SH2D1A: variants seen among roughly 807,000 people sequenced by gnomAD.
The protein encoded by SH2D1A is SH2 domain containing 1A.
In SH2D1A, 6 loss-of-function variants were observed where a neutral mutation model predicts 10.1. That is an observed-to-expected ratio of 0.60 (90% CI 0.33 to 1.18). The LOEUF (loss-of-function observed/expected upper bound fraction) is 1.18. Ranked by LOEUF, SH2D1A falls within the 50% of genes most tolerant of loss-of-function variation. The pLI, the probability that SH2D1A is intolerant of heterozygous loss-of-function variation, is 0.04. For missense variants in SH2D1A, 51 were observed against 97.6 expected (o/e 0.52, Z 2.01); for synonymous variants, 42 against 36.9 (o/e 1.14, Z -0.51).
chrX:124,371,404 CA>C lies in SH2D1A; in HGVS notation c.*14del, dbSNP rs745892271. 1.5e-5 allele frequency: 16 copies of C among 1,075,601 alleles called. No individual in the cohort carries two copies. Among genetic ancestry groups the C allele is most frequent in the Admixed American group, 6.8e-5 (3 of 44,438 alleles). The allele number at this position is 1,075,601 out of a possible 1,213,427, so 88.6% of individuals were successfully genotyped here. A position where few individuals can be genotyped will look rare whatever the true frequency, so the allele number is the denominator to read the frequency against. On this transcript the variant is annotated 3_prime_UTR_variant, in exon 4 of 4. Transcript: ENST00000371139. ...GAAAGCCCCATGAAGAAAAATAAAA[CA>C]CCTTGTACTTTATTTTCTATAATTT...
At chrX:124,364,428 AAG>A in intron 1 of SH2D1A, 1 of 281,011 alleles carries the variant, frequency 3.6e-6, no homozygotes, top group Non-Finnish European at 6.7e-6. Flanking sequence ...AGTGTTATAA[AAG>A]AGTCAAAAAG....
At chrX:124,352,101 A>G (rs1295101173) in intron 1 of SH2D1A, among the ~76,000 whole-genome samples, 1 of 110,743 alleles carries the variant, frequency 9.0e-6, no homozygotes, top group African/African-American at 3.3e-5. Context: ...ATAAAACTTC[A>G]CTGCAGTTTT....
intron 1 of SH2D1A, among the ~76,000 whole-genome samples, chrX:124,364,608 G>A (rs1032628889): frequency 9.1e-5 from 10 of 110,056 alleles, no homozygotes; most frequent in Non-Finnish European, 1.9e-5. Flanking sequence ...GAGTTCAAGC[G>A]ATTCTCCTGC....
Position 124,371,652 on chromosome X carries a change from T to C in SH2D1A, c.*261T>C. Reference sequence around the variant, plus strand: ...TTACAAATGGGAAACAAAAGGATAATGAATACTTTATAAAGGATTAATGTC... The same window carrying C: ...TTACAAATGGGAAACAAAAGGATAACGAATACTTTATAAAGGATTAATGTC... On this transcript the variant is annotated 3_prime_UTR_variant, in exon 4 of 4. Transcript: ENST00000371139. 4.2e-6 allele frequency: 1 copy of C among 235,395 alleles called. No individual in the cohort carries two copies. Among genetic ancestry groups the C allele is most frequent in the East Asian group, 6.1e-5 (1 of 16,523 alleles). 19.4% of individuals were successfully genotyped at this position (235,395 alleles called of 1,213,427 possible).
chrX:124,372,087 A>G lies in SH2D1A; in HGVS notation c.*696A>G, dbSNP rs936198722. The G allele has an allele frequency of 6.3e-6, 1 of 159,876 alleles. No homozygotes were observed. The highest frequency in any genetic ancestry group is 3.0e-5 in the African/African-American group (1 of 32,938). 13.2% of individuals were successfully genotyped at this position (159,876 alleles called of 1,213,427 possible). On this transcript the variant is annotated 3_prime_UTR_variant, in exon 4 of 4. Transcript: ENST00000371139. The stretch of plus-strand genomic sequence containing the variant: ...ATTGTATTACAAATCCAATGAAATG[A>G]GTTTTTCTTTTCATTTACCTCTGCC...
intron 1 of SH2D1A, among the ~76,000 whole-genome samples, chrX:124,363,495 C>T (rs1603238574): frequency 1.8e-5 from 2 of 111,456 alleles, no homozygotes; most frequent in East Asian, 5.6e-4. Context: ...AAATTCCTAC[C>T]ACCTACTGAT....
chrX:124,348,592 T>C (rs2059999805), intron 1 of SH2D1A, among the ~76,000 whole-genome samples: 2 of 111,719 alleles, frequency 1.8e-5, no homozygotes, highest in Non-Finnish European at 3.8e-5. Context: ...CTTGACCACC[T>C]ATCTAGAACA....
chrX:124,361,029 G>A (rs140742142), intron 1 of SH2D1A, among the ~76,000 whole-genome samples: 2,028 of 111,239 alleles, frequency 0.018, 18 homozygotes, highest in Non-Finnish European at 0.028. Context: ...AACCTAATAG[G>A]ATTTTTGTGG....
At chrX:124,357,258 G>A (rs1450234077) in intron 1 of SH2D1A, among the ~76,000 whole-genome samples, 1 of 111,882 alleles carries the variant, frequency 8.9e-6, no homozygotes, top group Non-Finnish European at 1.9e-5. Context: ...TCTGCGCATA[G>A]CTTATTTCAC....
At chrX:124,365,708 G>A in intron 1 of SH2D1A, 53 bp from the exon 2 acceptor site, 1 of 776,661 alleles carries the variant, frequency 1.3e-6, no homozygotes, top group Non-Finnish European at 2.0e-6. Flanking sequence ...CAAATTTAAA[G>A]TATCCATTGT....
In SH2D1A at chrX:124,372,457, T is replaced by C. The variant is rs1253312024; in HGVS notation, c.*1066T>C. On this transcript the variant is annotated 3_prime_UTR_variant, in exon 4 of 4. Coordinates refer to ENST00000371139, the MANE Select transcript of SH2D1A (RefSeq NM_002351.5). ...CCTGGTCCCTGCTCTCAGTTCACTG[T>C]CTTGTTGGACGAGAAAACAATAACG... 5.8e-6 allele frequency: 1 copy of C among 172,225 alleles called. No homozygotes were observed. Among genetic ancestry groups the C allele is most frequent in the Non-Finnish European group, 1.1e-5 (1 of 90,235 alleles). The allele number at this position is 172,225 out of a possible 1,213,427, so 14.2% of individuals were successfully genotyped here.
chrX:124,350,578 T>TTA (rs2060009995), intron 1 of SH2D1A, among the ~76,000 whole-genome samples: 4 of 55,031 alleles, frequency 7.3e-5, no homozygotes, highest in Admixed American at 3.6e-4. Context: ...ATATACTATA[T>TTA]TATATAGTAT....
chrX:124,362,278 TG>T (rs2060041797), intron 1 of SH2D1A, among the ~76,000 whole-genome samples: 1 of 112,047 alleles, frequency 8.9e-6, no homozygotes, highest in South Asian at 3.7e-4. Context: ...GCCACATAGG[TG>T]GGGCCATCAC....
chrX:124,366,770 CTATT>C (rs1447902997), intron 2 of SH2D1A, among the ~76,000 whole-genome samples: 3 of 109,982 alleles, frequency 2.7e-5, no homozygotes, highest in Non-Finnish European at 3.8e-5. Context: ...CTAATTGAAA[CTATT>C]TATACCTGTT....
chrX:124,350,157 TTA>T (rs1267476191), intron 1 of SH2D1A, among the ~76,000 whole-genome samples: 2 of 71,184 alleles, frequency 2.8e-5, no homozygotes, highest in South Asian at 5.9e-4. Flanking sequence ...TGTTATATAT[TTA>T]TATATATATA....
At chrX:124,349,125 C>G (rs2060001058) in intron 1 of SH2D1A, among the ~76,000 whole-genome samples, 1 of 112,135 alleles carries the variant, frequency 8.9e-6, no homozygotes, top group African/African-American at 3.2e-5. Context: ...TTTTATGACT[C>G]TTAGTTCTCC....
intron 1 of SH2D1A, among the ~76,000 whole-genome samples, chrX:124,350,265 A>AT: frequency 2.9e-5 from 1 of 35,030 alleles, no homozygotes; most frequent in African/African-American, 1.7e-4. Context: ...ATATATAAAT[A>AT]TATATTATAT....
In SH2D1A at chrX:124,365,771, T is replaced by C; in HGVS notation, c.148T>C (p.Tyr50His). The part of the protein sequence containing the change: ...VYCLCVLYHG[Y>H]IYTYRVSQTE... ...TTTATTCTTTCACAGGTATCACGGT[T>C]ACATTTATACATACCGAGTGTCCCA... The change falls in exon 2 of 4, where the codon TAC becomes CAC. Residue 50 changes from tyrosine (Y) to histidine (H), a missense_variant. Physicochemically the swap from Tyr to His is moderately conservative, Grantham distance 83 (BLOSUM62 2). Coordinates refer to ENST00000371139, the MANE Select transcript of SH2D1A (RefSeq NM_002351.5). 1 of 1,160,536 alleles carries C rather than the reference T, an allele frequency of 8.6e-7. No homozygotes were observed. Among genetic ancestry groups the C allele is most frequent in the Non-Finnish European group, 1.2e-6 (1 of 848,869 alleles).
chrX:124,366,351 C>T (rs1297949465), intron 2 of SH2D1A, among the ~76,000 whole-genome samples: 1 of 111,032 alleles, frequency 9.0e-6, no homozygotes, highest in Non-Finnish European at 1.9e-5. Context: ...GGGCAGGTTA[C>T]TTGACTTTTC....
Sources: gnomAD v4.1 joint callset for allele counts (sites outside exome capture counted in the v4.1 genomes callset) on GRCh38, gnomAD v4.1.1 for gene constraint, MANE v1.5 for transcripts, NCBI Gene and HGNC (gene_info 2026-07-23, HGNC 2026-07-21) for gene names.